NAA25: variants seen among roughly 807,000 people sequenced by gnomAD.
NAA25 encodes N-alpha-acetyltransferase 25, NatB auxiliary subunit.
In NAA25, 30 loss-of-function variants were observed where a neutral mutation model predicts 132.5. The ratio of observed to expected loss-of-function variants is 0.23; its 90% CI spans 0.17 to 0.31. NAA25 has a LOEUF of 0.31. Among genes scored for constraint, NAA25 ranks in the 10% least tolerant of loss-of-function variants. The pLI is 1.00. For synonymous variants in NAA25, 359 were observed against 401.9 expected (o/e 0.89, Z 1.28); for missense variants, 771 against 1,150.4 (o/e 0.67, Z 4.77).
At chr12:112,075,327 T>A (rs1194015651) in intron 8 of NAA25, among the ~76,000 whole-genome samples, 1 of 152,102 alleles carries the variant, frequency 6.6e-6, no homozygotes, top group African/African-American at 2.4e-5. Context: ...GGGCTGGGAC[T>A]ACAGGCACGC....
intron 13 of NAA25, among the ~76,000 whole-genome samples, chr12:112,059,075 CAAAAAAAAAAA>C (rs530305102): frequency 5.4e-4 from 34 of 63,222 alleles, no homozygotes; most frequent in African/African-American, 1.3e-3. Context: ...CTCCATCTCA[CAAAAAAAAAAA>C]AAAAAAAAAA....
chr12:112,094,937 T>G (rs866197614), intron 1 of NAA25, among the ~76,000 whole-genome samples: 3 of 151,808 alleles, frequency 2.0e-5, no homozygotes, highest in Admixed American at 6.6e-5. Flanking sequence ...AGGGAGTACA[T>G]GTGTGAAAGG....
At chr12:112,088,857 T>C (rs2079092093) in intron 3 of NAA25, among the ~76,000 whole-genome samples, 2 of 152,094 alleles carry the variant, frequency 1.3e-5, no homozygotes, top group Admixed American at 6.6e-5. Context: ...CGACCTCAGG[T>C]AATCCACCCA....
intron 17 of NAA25, among the ~76,000 whole-genome samples, chr12:112,044,819 C>T (rs1483272394): frequency 6.7e-6 from 1 of 150,058 alleles, no homozygotes; most frequent in Non-Finnish European, 1.5e-5. Context: ...AGGTGAGAGA[C>T]TGCTTGAGGC....
intron 4 of NAA25, 125 bp from the exon 5 acceptor site, chr12:112,081,259 A>G: frequency 1.3e-6 from 1 of 755,932 alleles, no homozygotes; most frequent in Admixed American, 2.5e-5. Context: ...GTTAGTGTAA[A>G]TTCCTAGTGA....
intron 22 of NAA25, among the ~76,000 whole-genome samples, chr12:112,037,978 TAA>T (rs2078247426): frequency 6.6e-6 from 1 of 152,094 alleles, no homozygotes; most frequent in South Asian, 2.1e-4. Flanking sequence ...GAAAAAGGTA[TAA>T]AAGACATAAT....
At chr12:112,070,457 C>T (rs2078788575) in intron 10 of NAA25, among the ~76,000 whole-genome samples, 1 of 152,222 alleles carries the variant, frequency 6.6e-6, no homozygotes. Context: ...TTTGTGAGTG[C>T]TTCAAGCAGA....
rs571540092 is a variant in NAA25, at chr12:112,066,194, A to C, written c.1149+2686T>G. On this transcript the variant is annotated intron_variant, in intron 11 of 23. Coordinates refer to ENST00000261745, the MANE Select transcript of NAA25 (RefSeq NM_024953.4). Reference sequence around the variant, plus strand: ...ACTGGTACTAGATTCATGGTAGCAAACCTTCATAAATCTCATCTAAAAGTA... The same window carrying C: ...ACTGGTACTAGATTCATGGTAGCAACCCTTCATAAATCTCATCTAAAAGTA... Among the ~76,000 whole-genome samples, 224 of 152,184 alleles carry C rather than the reference A, an allele frequency of 1.5e-3. 1 individual carries two copies. Among genetic ancestry groups the C allele is most frequent in the Non-Finnish European group, 2.6e-3 (174 of 68,048 alleles).
chr12:112,043,965 TCGC>T (rs1231611805), intron 17 of NAA25, 97 bp from the exon 18 acceptor site: 6 of 1,303,374 alleles, frequency 4.6e-6, no homozygotes, highest in Non-Finnish European at 6.3e-6. Context: ...TCTTGATCTG[TCGC>T]CCAGGCTGGA....
chr12:112,082,188 C>T (rs574143991), intron 4 of NAA25, among the ~76,000 whole-genome samples: 1 of 152,236 alleles, frequency 6.6e-6, no homozygotes, highest in East Asian at 1.9e-4. Flanking sequence ...GCAGAGGTTG[C>T]AGTGAGCAGA....
intron 11 of NAA25, 76 bp from the exon 12 acceptor site, chr12:112,061,464 G>C: frequency 1.9e-6 from 2 of 1,043,604 alleles, no homozygotes; most frequent in Non-Finnish European, 2.9e-6. Flanking sequence ...AACAGAAATT[G>C]AATGGTCTAG....
At chr12:112,097,161 C>G (rs544522460) in intron 1 of NAA25, 1 of 152,148 alleles carries the variant, frequency 6.6e-6, no homozygotes, top group East Asian at 1.9e-4. Context: ...TACTCTCTAA[C>G]TATAAAACTG....
intron 4 of NAA25, among the ~76,000 whole-genome samples, chr12:112,086,052 AT>A (rs1566027423): frequency 9.7e-5 from 3 of 31,018 alleles, no homozygotes; most frequent in African/African-American, 2.5e-4. Flanking sequence ...AAAAAAAAAA[AT>A]ATATATATAT....
intron 1 of NAA25, among the ~76,000 whole-genome samples, chr12:112,106,584 G>A (rs1308697539): frequency 6.6e-6 from 1 of 152,056 alleles, no homozygotes; most frequent in Non-Finnish European, 1.5e-5. Flanking sequence ...TCCTTTCTCT[G>A]CCACTTACCA....
At chr12:112,067,498 C>A (rs1469825873) in intron 11 of NAA25, among the ~76,000 whole-genome samples, 1 of 151,970 alleles carries the variant, frequency 6.6e-6, no homozygotes, top group Non-Finnish European at 1.5e-5. Context: ...CACTTGAGGT[C>A]GGGAGTTCGA....
chr12:112,046,020 T>C (rs554608542), intron 17 of NAA25, among the ~76,000 whole-genome samples: 453 of 152,352 alleles, frequency 3.0e-3, no homozygotes, highest in Non-Finnish European at 4.9e-3. Flanking sequence ...CCTGCAGCTA[T>C]TATCGTTAGA....
rs1459418039 is a variant in NAA25 at position 112,073,920 on chromosome 12, A to G, written c.866+755T>C. The stretch of plus-strand genomic sequence containing the variant: ...GGAGTACTCTTAAGCCACTGGGGGG[A>G]AAAAAAATGAAAGAGATCTACATGT... On this transcript the variant is annotated intron_variant, in intron 9 of 23. Coordinates refer to ENST00000261745, the MANE Select transcript of NAA25 (RefSeq NM_024953.4). 6.0e-5 allele frequency among the ~76,000 whole-genome samples: 9 copies of G among 151,214 alleles called. No homozygotes were observed. The South Asian group carries it at 1.1e-3, about 18-fold the overall frequency.
At chr12:112,083,952 T>C (rs1180711545) in intron 4 of NAA25, among the ~76,000 whole-genome samples, 1 of 152,156 alleles carries the variant, frequency 6.6e-6, no homozygotes, top group African/African-American at 2.4e-5. Context: ...ATTTTTACAA[T>C]GACATACAGA....
At chr12:112,098,997 T>C (rs1235362040) in intron 1 of NAA25, among the ~76,000 whole-genome samples, 1 of 152,080 alleles carries the variant, frequency 6.6e-6, no homozygotes, top group Non-Finnish European at 1.5e-5. Flanking sequence ...GTATCTTTTT[T>C]TTTTTTTGGA....
Sources: allele counts gnomAD v4.1 joint callset (sites outside exome capture counted in the v4.1 genomes callset), GRCh38; gene constraint gnomAD v4.1.1; transcripts MANE v1.5; gene names NCBI Gene and HGNC (gene_info 2026-07-23, HGNC 2026-07-21).